Variants in CNTN5 observed in about 807,000 individuals in gnomAD.
The protein encoded by CNTN5 is contactin 5.
In CNTN5, 77 loss-of-function variants were observed where a neutral mutation model predicts 129.1. The ratio of observed to expected loss-of-function variants is 0.60; its 90% confidence interval spans 0.50 to 0.72. The LOEUF (loss-of-function observed/expected upper bound fraction) is 0.72. Among genes scored for constraint, CNTN5 ranks in the 30% least tolerant of loss-of-function variants. The pLI, the probability that CNTN5 is intolerant of heterozygous loss-of-function variation, is 0.00. For missense variants in CNTN5, 1,478 were observed against 1,328.8 expected, an observed-to-expected ratio of 1.11 and a Z score of -1.75; for synonymous variants, 509 against 465.6, an observed-to-expected ratio of 1.09 and a Z score of -1.20.
At chr11:100,161,539 A>T (rs1417788972) in intron 13 of CNTN5, among the ~76,000 whole-genome samples, 1 of 151,886 alleles carries the variant, frequency 6.6e-6, no homozygotes, top group Non-Finnish European at 1.5e-5. Context: ...GCATATTGTA[A>T]GTAACTTTAC....
intron 6 of CNTN5, among the ~76,000 whole-genome samples, chr11:99,912,044 T>G (rs561510900): frequency 3.3e-4 from 50 of 152,136 alleles, no homozygotes; most frequent in Admixed American, 5.9e-4. Flanking sequence ...TGTTTACTTA[T>G]TATTATTGAG....
At chr11:99,897,155 T>C (rs1565651868) in intron 6 of CNTN5, among the ~76,000 whole-genome samples, 1 of 151,912 alleles carries the variant, frequency 6.6e-6, no homozygotes. Flanking sequence ...AAATAAGAGA[T>C]TATGTAATGT....
intron 6 of CNTN5, among the ~76,000 whole-genome samples, chr11:99,864,432 C>G (rs975850510): frequency 6.6e-6 from 1 of 152,064 alleles, no homozygotes; most frequent in African/African-American, 2.4e-5. Context: ...TTAACCCTCT[C>G]CATATCTTAT....
chr11:100,134,556 A>G (rs185911907), intron 13 of CNTN5, among the ~76,000 whole-genome samples: 49 of 152,274 alleles, frequency 3.2e-4, no homozygotes, highest in Admixed American at 9.8e-4. Context: ...TTATCAATCA[A>G]TTGGGTTCAT....
chr11:99,217,366 A>G (rs1397690755), intron 1 of CNTN5, among the ~76,000 whole-genome samples: 1 of 152,206 alleles, frequency 6.6e-6, no homozygotes, highest in South Asian at 2.1e-4. Context: ...ATGCTGATCA[A>G]AACAATAATG....
chr11:99,063,768 T>A (rs566877562), intron 1 of CNTN5, among the ~76,000 whole-genome samples: 2 of 152,228 alleles, frequency 1.3e-5, no homozygotes, highest in South Asian at 4.1e-4. Context: ...TTTTAAGAAG[T>A]TGCAAAGGGG....
At chr11:99,701,375 C>A (rs1954512609) in intron 3 of CNTN5, among the ~76,000 whole-genome samples, 1 of 150,950 alleles carries the variant, frequency 6.6e-6, no homozygotes, top group Non-Finnish European at 1.5e-5. Flanking sequence ...TTGATATAAC[C>A]ATCTATTTTT....
chr11:99,413,901 T>G (rs1942515400), intron 2 of CNTN5, among the ~76,000 whole-genome samples: 3 of 152,226 alleles, frequency 2.0e-5, no homozygotes, highest in Admixed American at 1.3e-4. Context: ...TAGAATAAAT[T>G]GATTTTTGCT....
intron 9 of CNTN5, among the ~76,000 whole-genome samples, chr11:100,017,653 C>A (rs1940900872): frequency 6.6e-6 from 1 of 151,968 alleles, no homozygotes; most frequent in Admixed American, 6.6e-5. Flanking sequence ...AACAAAAGAT[C>A]TCTCATAGTA....
intron 1 of CNTN5, among the ~76,000 whole-genome samples, chr11:99,188,784 G>A (rs969698711): frequency 6.6e-6 from 1 of 151,584 alleles, no homozygotes; most frequent in African/African-American, 2.4e-5. Flanking sequence ...CTTGAAATAT[G>A]TATACATTGT....
intron 2 of CNTN5, among the ~76,000 whole-genome samples, chr11:99,452,075 C>T (rs955889074): frequency 1.3e-5 from 2 of 151,776 alleles, no homozygotes; most frequent in South Asian, 2.1e-4. Context: ...CTTTAGAACC[C>T]CAAAGTACCT....
intron 1 of CNTN5, among the ~76,000 whole-genome samples, chr11:99,224,657 ATT>A (rs3082693): frequency 9.2e-6 from 1 of 108,964 alleles, no homozygotes. Context: ...CCAAGGTTGC[ATT>A]TTTTTTTTTT....
At chr11:100,146,400 A>C (rs2138281283) in intron 13 of CNTN5, among the ~76,000 whole-genome samples, 1 of 152,266 alleles carries the variant, frequency 6.6e-6, no homozygotes, top group South Asian at 2.1e-4. Flanking sequence ...AGGAGTACAC[A>C]CACACAAAAT....
At chr11:100,190,849 G>A (rs1347571759) in intron 13 of CNTN5, among the ~76,000 whole-genome samples, 1 of 151,372 alleles carries the variant, frequency 6.6e-6, no homozygotes, top group Non-Finnish European at 1.5e-5. Flanking sequence ...CCAAACTCAG[G>A]GTCACCCCTT....
chr11:99,575,487 A>G (rs1355603435), intron 3 of CNTN5, among the ~76,000 whole-genome samples: 1 of 152,206 alleles, frequency 6.6e-6, no homozygotes, highest in Non-Finnish European at 1.5e-5. Flanking sequence ...AGAAACTCAG[A>G]TTTGTTAAGA....
intron 18 of CNTN5, among the ~76,000 whole-genome samples, chr11:100,277,663 G>A (rs964637918): frequency 6.6e-6 from 1 of 151,538 alleles, no homozygotes; most frequent in Non-Finnish European, 1.5e-5. Context: ...TATGAATTGG[G>A]TTTTTTTTAT....
At chr11:100,113,309 A>G (rs1258044027) in intron 13 of CNTN5, among the ~76,000 whole-genome samples, 1 of 151,274 alleles carries the variant, frequency 6.6e-6, no homozygotes, top group Non-Finnish European at 1.5e-5. Flanking sequence ...AGTAGCTACT[A>G]TATTAATCAT....
intron 13 of CNTN5, among the ~76,000 whole-genome samples, chr11:100,156,351 C>G (rs1591328048): frequency 6.6e-6 from 1 of 152,140 alleles, no homozygotes; most frequent in African/African-American, 2.4e-5. Context: ...AGGGATGAAG[C>G]TGACTTGATC....
rs574634543 is a variant in CNTN5, at chr11:99,572,232, T to G, written c.55+15963T>G. 1.2e-4 allele frequency among the ~76,000 whole-genome samples: 19 copies of G among 152,182 alleles called. No individual in the cohort carries two copies. The South Asian group carries it at 3.9e-3, about 32-fold the overall frequency. On this transcript the variant is annotated intron_variant, in intron 3 of 24. Transcript: ENST00000524871. ...AAGAAGAATTGTCTTGGGTCACACA[T>G]AAAATACACCATCGCTAACGATAGC...
Sources: gnomAD v4.1 joint callset for allele counts (sites outside exome capture counted in the v4.1 genomes callset) on GRCh38, gnomAD v4.1.1 for gene constraint, MANE v1.5 for transcripts, NCBI Gene and HGNC (gene_info 2026-07-23, HGNC 2026-07-21) for gene names.